Variants in CSMD2 observed in about 807,000 individuals in gnomAD.
CSMD2 encodes CUB and sushi domain-containing protein 2.
In CSMD2, 130 loss-of-function variants were observed where a neutral mutation model predicts 398.5. That is an observed-to-expected ratio of 0.33 (90% confidence interval 0.28 to 0.38). The LOEUF is 0.38. Among genes scored for constraint, CSMD2 ranks in the 10% least tolerant of loss-of-function variants. CSMD2 has a pLI of 1.00. For synonymous variants in CSMD2, 1,828 were observed against 1,908.5 expected (o/e 0.96, Z 1.10); for missense variants, 3,829 against 4,764.9 (o/e 0.80, Z 5.78).
intron 3 of CSMD2, among the ~76,000 whole-genome samples, chr1:34,009,681 C>T (rs868311317): frequency 5.3e-5 from 8 of 152,044 alleles, no homozygotes; most frequent in African/African-American, 9.7e-5. Context: ...CATATAGTAG[C>T]GCTTAACTCC....
intron 5 of CSMD2, among the ~76,000 whole-genome samples, chr1:33,888,756 T>TTTTTTTTTTTTTTG (rs1553244524): frequency 1.1e-4 from 16 of 148,822 alleles, no homozygotes; most frequent in African/African-American, 3.7e-4. Flanking sequence ...TCAACTGATT[T>TTTTTTTTTTTTTTG]TTGTTGTTGT....
chr1:33,552,800 A>T (rs966146162), intron 55 of CSMD2, among the ~76,000 whole-genome samples: 13 of 152,172 alleles, frequency 8.5e-5, no homozygotes, highest in African/African-American at 3.1e-4. Context: ...ATGGGGAGTG[A>T]CTTTTAAGGG....
At chr1:33,655,532 T>A (rs1643921778) in intron 27 of CSMD2, among the ~76,000 whole-genome samples, 1 of 152,222 alleles carries the variant, frequency 6.6e-6, no homozygotes, top group African/African-American at 2.4e-5. Context: ...CTTGCTGTGG[T>A]GAAGGCAGAC....
At chr1:33,652,183 T>C in intron 28 of CSMD2, 140 bp downstream of exon 28, 1 of 809,518 alleles carries the variant, frequency 1.2e-6, no homozygotes, top group Non-Finnish European at 2.0e-6. Flanking sequence ...AAATGCTAGT[T>C]TCTCTCTCTC....
chr1:33,857,378 A>G (rs1639175601), intron 5 of CSMD2, among the ~76,000 whole-genome samples: 1 of 152,172 alleles, frequency 6.6e-6, no homozygotes, highest in African/African-American at 2.4e-5. Flanking sequence ...TCCAGATCAC[A>G]TCCACCTACA....
At chr1:33,899,106 A>G (rs1642586647) in intron 5 of CSMD2, among the ~76,000 whole-genome samples, 1 of 152,230 alleles carries the variant, frequency 6.6e-6, no homozygotes, top group African/African-American at 2.4e-5. Context: ...ATGTGGCTAA[A>G]TGACACGGGC....
intron 6 of CSMD2, among the ~76,000 whole-genome samples, chr1:33,837,942 C>T (rs1459812820): frequency 6.6e-6 from 1 of 152,230 alleles, no homozygotes; most frequent in Non-Finnish European, 1.5e-5. Context: ...ACACATTTAG[C>T]TAGAAGAATC....
intron 13 of CSMD2, among the ~76,000 whole-genome samples, chr1:33,746,330 C>G (rs941164136): frequency 2.6e-5 from 4 of 152,138 alleles, no homozygotes; most frequent in Non-Finnish European, 4.4e-5. Flanking sequence ...ACAGGGCCTG[C>G]TGAGCAAGTC....
chr1:33,944,640 T>C (rs547150593), intron 3 of CSMD2, among the ~76,000 whole-genome samples: 1 of 152,334 alleles, frequency 6.6e-6, no homozygotes, highest in South Asian at 2.1e-4. Flanking sequence ...GTAATAATAG[T>C]CACGGCTTGA....
intron 1 of CSMD2, among the ~76,000 whole-genome samples, chr1:34,116,478 G>A (rs1436408214): frequency 2.0e-5 from 3 of 151,962 alleles, no homozygotes. Flanking sequence ...CCTAACAGAA[G>A]AGCACCCAGA....
At chr1:33,834,341 A>G (rs1329603592) in intron 6 of CSMD2, among the ~76,000 whole-genome samples, 3 of 77,078 alleles carry the variant, frequency 3.9e-5, no homozygotes, top group Non-Finnish European at 6.6e-5. Flanking sequence ...CTCAGAAATA[A>G]CGCCGCATAT....
intron 3 of CSMD2, among the ~76,000 whole-genome samples, chr1:33,953,009 C>CA (rs904558127): frequency 1.4e-4 from 21 of 152,132 alleles, no homozygotes; most frequent in Non-Finnish European, 2.9e-4. Context: ...CTGCACGTGG[C>CA]AAAAAAAGTC....
At chr1:34,019,968 G>A (rs552179973) in intron 3 of CSMD2, among the ~76,000 whole-genome samples, 1 of 152,306 alleles carries the variant, frequency 6.6e-6, no homozygotes, top group African/African-American at 2.4e-5. Context: ...TAGGAGCTGA[G>A]GAATCAGCAC....
At chr1:33,523,127 CT>C (rs1345530022) in intron 67 of CSMD2, among the ~76,000 whole-genome samples, 179 bp downstream of exon 67, 3 of 152,216 alleles carry the variant, frequency 2.0e-5, no homozygotes, top group African/African-American at 7.2e-5. Flanking sequence ...CTTTTAAAAT[CT>C]TTTCCTTTGC....
At chr1:33,706,588 C>A (rs1415157100) in intron 22 of CSMD2, among the ~76,000 whole-genome samples, 1 of 152,132 alleles carries the variant, frequency 6.6e-6, no homozygotes, top group Non-Finnish European at 1.5e-5. Flanking sequence ...GAAGACATGT[C>A]TTCTTCTTCT....
At chr1:33,999,983 A>G (rs1210183076) in intron 3 of CSMD2, among the ~76,000 whole-genome samples, 1 of 152,136 alleles carries the variant, frequency 6.6e-6, no homozygotes, top group African/African-American at 2.4e-5. Context: ...ACATTTTTTA[A>G]TCTCTCTTGA....
At chr1:33,576,954 T>C (rs1638294076) in intron 49 of CSMD2, among the ~76,000 whole-genome samples, 1 of 152,058 alleles carries the variant, frequency 6.6e-6, no homozygotes, top group Admixed American at 6.5e-5. Context: ...ACTTGCTCTA[T>C]GAGCCGGAAC....
rs180942627 is a variant in CSMD2 at position 33,768,674 on chromosome 1, C to T, written c.1846+3895G>A. ...CCAGTAGGGCCATTTCCCACAGCAT[C>T]TCTGTGGGCCATTTCCCACAGCATC... is the stretch of plus-strand genomic sequence containing the variant. On this transcript the variant is annotated intron_variant, in intron 13 of 70. Coordinates refer to ENST00000373381, the MANE Select transcript of CSMD2 (RefSeq NM_001281956.2). Among the ~76,000 whole-genome samples, 432 of 151,874 alleles carry T rather than the reference C, an allele frequency of 2.8e-3. 3 individuals carry two copies. The highest frequency in any genetic ancestry group is 9.6e-3 in the African/African-American group (396 of 41,418).
rs758855737 is a variant in CSMD2 at position 33,743,371 on chromosome 1, G to T, written c.2082C>A (p.Pro694=). The T allele has an allele frequency of 6.2e-7, 1 of 1,614,192 alleles. No individual in the cohort carries two copies. The highest frequency in any genetic ancestry group is 8.5e-7 in the Non-Finnish European group (1 of 1,180,026). Residue 694 remains proline (P), a synonymous_variant, in exon 14 of 71, where the codon CCC becomes CCA. Coordinates refer to ENST00000373381, the MANE Select transcript of CSMD2 (RefSeq NM_001281956.2). The part of the protein sequence containing the change: ...VLGTFSGNQL[P]SSITSSGHVA... ...CGTGGCCACTGCTTGTGATGGAGGAGGGAAGCTGGTTTCCTGAGAAGGTGC... is the reference window on the plus strand; with the variant it reads ...CGTGGCCACTGCTTGTGATGGAGGATGGAAGCTGGTTTCCTGAGAAGGTGC...
Sources: allele counts gnomAD v4.1 joint callset (sites outside exome capture counted in the v4.1 genomes callset), GRCh38; gene constraint gnomAD v4.1.1; transcripts MANE v1.5; gene names NCBI Gene and HGNC (gene_info 2026-07-23, HGNC 2026-07-21).